NBEA: variants seen among roughly 807,000 people sequenced by gnomAD.
NBEA encodes the protein lysosomal-trafficking regulator 2.
A neutral mutation model predicts 343.4 loss-of-function variants in NBEA; 44 were observed. That is an observed-to-expected ratio of 0.13 (90% CI 0.10 to 0.16). The LOEUF (loss-of-function observed/expected upper bound fraction) is 0.16, where lower values mean the gene tolerates loss of function less well. Among genes scored for constraint, NBEA ranks in the 10% least tolerant of loss-of-function variants. NBEA has a pLI of 1.00. For missense variants in NBEA, 2,555 were observed against 3,631.3 expected (o/e 0.70, Z 7.62); for synonymous variants, 1,175 against 1,238.7 (o/e 0.95, Z 1.08).
intron 38 of NBEA, among the ~76,000 whole-genome samples, chr13:35,427,305 G>A (rs1255469072): frequency 3.3e-5 from 5 of 152,136 alleles, no homozygotes; most frequent in African/African-American, 4.8e-5. Context: ...GTACAGATGG[G>A]TTTTTGGTGT....
intron 18 of NBEA, among the ~76,000 whole-genome samples, chr13:35,152,254 G>A (rs1463786914): frequency 1.3e-5 from 2 of 152,212 alleles, no homozygotes; most frequent in East Asian, 1.9e-4. Context: ...ATCATTTTAC[G>A]AGTTAGTCAA....
intron 7 of NBEA, among the ~76,000 whole-genome samples, chr13:35,057,882 T>G (rs1566220764): frequency 6.6e-6 from 1 of 152,214 alleles, no homozygotes; most frequent in Non-Finnish European, 1.5e-5. Flanking sequence ...GTGTATTTAA[T>G]GACGACAATT....
At chr13:35,615,153 A>T (rs2082683239) in intron 48 of NBEA, among the ~76,000 whole-genome samples, 1 of 150,444 alleles carries the variant, frequency 6.6e-6, no homozygotes, top group Non-Finnish European at 1.5e-5. Context: ...ACAAAAAAAA[A>T]TTAACAAGGC....
At chr13:35,355,724 T>C (rs1439110269) in intron 38 of NBEA, among the ~76,000 whole-genome samples, 1 of 152,098 alleles carries the variant, frequency 6.6e-6, no homozygotes. Flanking sequence ...GGCTTCTTTC[T>C]TGCAGGTCAT....
intron 17 of NBEA, among the ~76,000 whole-genome samples, chr13:35,138,787 A>G (rs981577306): frequency 6.6e-6 from 1 of 152,042 alleles, no homozygotes; most frequent in Non-Finnish European, 1.5e-5. Flanking sequence ...CTTATCAGTT[A>G]TATTTTATGA....
chr13:35,552,321 T>C (rs559962791), intron 43 of NBEA, among the ~76,000 whole-genome samples: 2 of 152,334 alleles, frequency 1.3e-5, no homozygotes, highest in African/African-American at 2.4e-5. Flanking sequence ...TTACCTTGTA[T>C]TGCAACTTAT....
chr13:35,230,689 G>A (rs1272027718), intron 33 of NBEA, among the ~76,000 whole-genome samples: 1 of 151,954 alleles, frequency 6.6e-6, no homozygotes, highest in Non-Finnish European at 1.5e-5. Context: ...TCACTAACAG[G>A]TAACTTACTG....
intron 44 of NBEA, among the ~76,000 whole-genome samples, chr13:35,565,735 G>A (rs902878481): frequency 6.6e-6 from 1 of 152,018 alleles, no homozygotes; most frequent in Non-Finnish European, 1.5e-5. Context: ...TATGAGGGGG[G>A]GCCGCAGCTT....
intron 45 of NBEA, among the ~76,000 whole-genome samples, chr13:35,575,680 A>G (rs760576068): frequency 2.0e-5 from 3 of 152,180 alleles, no homozygotes; most frequent in Admixed American, 6.5e-5. Flanking sequence ...TCAGATCACC[A>G]TGATTATATC....
chr13:35,329,004 T>G (rs1290836437), intron 36 of NBEA, among the ~76,000 whole-genome samples: 9 of 151,738 alleles, frequency 5.9e-5, no homozygotes, highest in Admixed American at 5.9e-4. Context: ...AACTCAATGA[T>G]AAAAAGATGA....
chr13:35,113,619 ATCTATCTATCTG>A (rs1298990353), intron 13 of NBEA, among the ~76,000 whole-genome samples: 2 of 151,424 alleles, frequency 1.3e-5, no homozygotes, highest in Admixed American at 6.6e-5. Flanking sequence ...CTATCTATCT[ATCTATCTATCTG>A]TCTGTCTATC....
At chr13:35,029,771 T>C (rs1335779118) in intron 1 of NBEA, among the ~76,000 whole-genome samples, 3 of 151,652 alleles carry the variant, frequency 2.0e-5, no homozygotes, top group East Asian at 3.9e-4. Flanking sequence ...GAAGACAACA[T>C]GTTTCCAAGT....
intron 36 of NBEA, among the ~76,000 whole-genome samples, chr13:35,343,469 C>G (rs666915): frequency 3.3e-5 from 5 of 151,978 alleles, no homozygotes; most frequent in Non-Finnish European, 7.4e-5. Context: ...AACATGTAAC[C>G]TGTGTAAAAT....
intron 34 of NBEA, among the ~76,000 whole-genome samples, chr13:35,248,313 G>T (rs934226931): frequency 4.6e-5 from 7 of 152,064 alleles, no homozygotes; most frequent in Admixed American, 1.3e-4. Context: ...TATAAAAATT[G>T]ATCAATGTAA....
intron 39 of NBEA, among the ~76,000 whole-genome samples, chr13:35,443,421 G>A (rs2045844450): frequency 6.6e-6 from 1 of 151,792 alleles, no homozygotes; most frequent in Non-Finnish European, 1.5e-5. Flanking sequence ...ATTTTATAGT[G>A]GTATAGATAA....
chr13:35,385,057 A>G (rs1377730205), intron 38 of NBEA, among the ~76,000 whole-genome samples: 1 of 152,180 alleles, frequency 6.6e-6, no homozygotes, highest in African/African-American at 2.4e-5. Flanking sequence ...CTGCATTTAT[A>G]GTATTACATT....
intron 11 of NBEA, among the ~76,000 whole-genome samples, chr13:35,099,576 TAA>T (rs2152641214): frequency 6.6e-6 from 1 of 152,294 alleles, no homozygotes; most frequent in African/African-American, 2.4e-5. Flanking sequence ...ATTTACCTGT[TAA>T]GTTTTGTGTT....
chr13:35,117,341 C>T (rs2066550623), intron 13 of NBEA, 73 bp from the exon 14 acceptor site: 1 of 649,876 alleles, frequency 1.5e-6, no homozygotes, highest in Non-Finnish European at 2.2e-6. Context: ...GCCATAGTAT[C>T]CCAAGATAAT....
intron 45 of NBEA, among the ~76,000 whole-genome samples, chr13:35,576,983 T>C (rs937435685): frequency 6.6e-6 from 1 of 152,210 alleles, no homozygotes; most frequent in Admixed American, 6.5e-5. Context: ...GATTAGCCCA[T>C]ATAACTGAGA....
Sources: gnomAD v4.1 joint callset for allele counts (sites outside exome capture counted in the v4.1 genomes callset) on GRCh38, gnomAD v4.1.1 for gene constraint, MANE v1.5 for transcripts, NCBI Gene and HGNC (gene_info 2026-07-23, HGNC 2026-07-21) for gene names.